CENPK: variants seen among roughly 807,000 people sequenced by gnomAD.
CENPK encodes centromere protein K.
In CENPK, 46 loss-of-function variants were observed where a neutral mutation model predicts 40.9. The ratio of observed to expected loss-of-function variants is 1.13; its 90% CI spans 0.89 to 1.44. CENPK has a LOEUF of 1.44. Ranked by LOEUF, CENPK falls within the 40% of genes most tolerant of loss-of-function variation. CENPK has a pLI of 0.00. For synonymous variants in CENPK, 107 were observed against 104.4 expected (o/e 1.02, Z -0.15); for missense variants, 288 against 303.5 (o/e 0.95, Z 0.38).
At chr5:65,549,495 T>C (rs758389078) in intron 5 of CENPK, among the ~76,000 whole-genome samples, 1 of 152,226 alleles carries the variant, frequency 6.6e-6, no homozygotes, top group African/African-American at 2.4e-5. Flanking sequence ...GAGTCCTAGA[T>C]GGCATCTTCT....
chr5:65,513,525 C>T (rs1230758590), downstream of CENPK, among the ~76,000 whole-genome samples: 1 of 151,388 alleles, frequency 6.6e-6, no homozygotes, highest in Non-Finnish European at 1.5e-5. Context: ...ATTTTGTTTC[C>T]TTCCTTCTTT....
At chr5:65,542,389 A>G (rs1748127483) in intron 6 of CENPK, among the ~76,000 whole-genome samples, 1 of 152,246 alleles carries the variant, frequency 6.6e-6, no homozygotes, top group Non-Finnish European at 1.5e-5. Context: ...CTGTAATCCC[A>G]GCACTTTGGG....
chr5:65,529,277 G>A, intron 6 of CENPK, 78 bp from the exon 7 acceptor site: 2 of 887,236 alleles, frequency 2.3e-6, no homozygotes, highest in Non-Finnish European at 1.8e-6. Flanking sequence ...AATTTACACA[G>A]TGGTCCAGGA....
intron 6 of CENPK, chr5:65,541,472 C>G (rs779754007): frequency 4.4e-6 from 2 of 456,232 alleles, no homozygotes; most frequent in Admixed American, 2.3e-5. Context: ...GAATTCCCCA[C>G]ACATTTTGGT....
intron 2 of CENPK, among the ~76,000 whole-genome samples, chr5:65,559,238 A>AAG (rs1751499918): frequency 6.6e-6 from 1 of 152,228 alleles, no homozygotes; most frequent in African/African-American, 2.4e-5. Context: ...CCACATTGTA[A>AAG]AGACGTTAAT....
chr5:65,547,759 G>A (rs937723557), intron 5 of CENPK, among the ~76,000 whole-genome samples: 1 of 151,948 alleles, frequency 6.6e-6, no homozygotes, highest in Non-Finnish European at 1.5e-5. Context: ...CTGCCTCCTT[G>A]GTTCATGCCA....
intron 5 of CENPK, among the ~76,000 whole-genome samples, chr5:65,548,960 C>T (rs185289298): frequency 6.6e-5 from 10 of 152,288 alleles, no homozygotes; most frequent in African/African-American, 1.9e-4. Context: ...TTAATGGCAT[C>T]TAGAATGGGG....
At chr5:65,557,497 C>CA (rs1441765343) in intron 2 of CENPK, among the ~76,000 whole-genome samples, 1 of 152,208 alleles carries the variant, frequency 6.6e-6, no homozygotes, top group Non-Finnish European at 1.5e-5. Context: ...GCAACCCAGG[C>CA]ACCATGTTAT....
chr5:65,543,431 A>G (rs572286338), intron 5 of CENPK, among the ~76,000 whole-genome samples: 9 of 152,236 alleles, frequency 5.9e-5, no homozygotes, highest in Non-Finnish European at 8.8e-5. Flanking sequence ...CTGTAGTCAT[A>G]TATCCTATGT....
At chr5:65,515,482 C>T (rs543816665), downstream of CENPK, among the ~76,000 whole-genome samples, 399 of 152,250 alleles carry the variant, frequency 2.6e-3, 2 homozygotes, top group African/African-American at 8.9e-3. Context: ...GGATTACAGG[C>T]ATGAACCACC....
intron 9 of CENPK, chr5:65,524,495 C>CAA (rs74708095): frequency 0.02 from 2,705 of 134,010 alleles, 63 homozygotes; most frequent in African/African-American, 0.061. Context: ...CTAAAAATAC[C>CAA]AAAAAAAAAA....
chr5:65,542,884 T>C, intron 5 of CENPK, 36 bp from the exon 6 acceptor site: 2 of 1,547,922 alleles, frequency 1.3e-6, no homozygotes, highest in South Asian at 2.4e-5. Flanking sequence ...TACACATATA[T>C]TTAGTTAATT....
At chr5:65,509,124 TTA>T in the CENPK span, among the ~76,000 whole-genome samples, 29 of 152,328 alleles carry the variant, frequency 1.9e-4, 1 homozygote, top group Middle Eastern at 0.014. Flanking sequence ...TCCCATCCCT[TTA>T]TGTTTACCCT....
chr5:65,521,624 G>C (rs1743769869), intron 9 of CENPK, 96 bp from the exon 10 acceptor site: 1 of 870,708 alleles, frequency 1.1e-6, no homozygotes, highest in Admixed American at 2.5e-5. Flanking sequence ...TTCTGAGACA[G>C]AGTTTCATTC....
the CENPK span, among the ~76,000 whole-genome samples, chr5:65,510,694 T>G: frequency 6.6e-6 from 1 of 151,334 alleles, no homozygotes. Flanking sequence ...GAGAATTGCT[T>G]GAACCCAGGA....
intron 6 of CENPK, among the ~76,000 whole-genome samples, chr5:65,533,351 A>AAATAAATAAAT (rs1249123348): frequency 3.1e-5 from 2 of 65,534 alleles, no homozygotes; most frequent in African/African-American, 1.1e-4. Flanking sequence ...CCCTGTATCA[A>AAATAAATAAAT]AATAAATAAA....
chr5:65,547,455 G>C (rs1749210476), intron 5 of CENPK, among the ~76,000 whole-genome samples: 1 of 150,426 alleles, frequency 6.6e-6, no homozygotes, highest in Admixed American at 6.6e-5. Context: ...CTACTAAAAA[G>C]GCAATAAGAC....
intron 5 of CENPK, among the ~76,000 whole-genome samples, chr5:65,548,350 C>T (rs962752046): frequency 6.6e-5 from 10 of 152,160 alleles, no homozygotes; most frequent in Non-Finnish European, 1.2e-4. Context: ...AACTGAGATG[C>T]CTAATCTGAG....
Position 65,521,997 on chromosome 5 carries a change from G to A in CENPK, c.598-469C>T, listed in dbSNP as rs59701403. On this transcript the variant is annotated intron_variant, in intron 9 of 10. Coordinates refer to ENST00000396679, the MANE Select transcript of CENPK (RefSeq NM_022145.5). ...GTGACAAAAAATTCTGAAAGTAAAC[G>A]TTGTATTTAAGTCAGATTCATAAAA... 9.2e-3 allele frequency among the ~76,000 whole-genome samples: 1,406 copies of A among 152,202 alleles called. 33 individuals carry two copies. Among genetic ancestry groups the A allele is most frequent in the African/African-American group, 0.031 (1,299 of 41,538 alleles).
Sources: gnomAD v4.1 joint callset for allele counts (sites outside exome capture counted in the v4.1 genomes callset) on GRCh38, gnomAD v4.1.1 for gene constraint, MANE v1.5 for transcripts, NCBI Gene and HGNC (gene_info 2026-07-23, HGNC 2026-07-21) for gene names.